The following PUDP variants were observed in gnomAD, a reference collection of about 807,000 sequenced individuals.
PUDP encodes pseudouridine-5'-phosphatase.
PUDP carries 8 observed loss-of-function variants against 9.4 expected under a neutral mutation model. That is an observed-to-expected ratio of 0.85 (90% CI 0.50 to 1.53). The LOEUF (loss-of-function observed/expected upper bound fraction) is 1.53. Ranked by LOEUF, PUDP falls within the 40% of genes most tolerant of loss-of-function variation. PUDP has a pLI of 0.00. For missense variants in PUDP, 188 were observed against 189.7 expected, an observed-to-expected ratio of 0.99 and a Z score of 0.05; for synonymous variants, 99 against 80.7, an observed-to-expected ratio of 1.23 and a Z score of -1.22.
In PUDP at chrX:7,105,730, G is replaced by T. The variant is rs758396125; in HGVS notation, c.170C>A (p.Ala57Glu). 3 of 1,199,910 alleles carry T rather than the reference G, an allele frequency of 2.5e-6. No individual in the cohort carries two copies. Among genetic ancestry groups the T allele is most frequent in the Non-Finnish European group, 3.4e-6 (3 of 886,788 alleles). The change falls in exon 2 of 4, where the codon GCG (alanine) becomes GAG (glutamate). Residue 57 changes from alanine (A) to glutamate (E), a missense_variant. Coordinates refer to ENST00000381077, the MANE Select transcript of PUDP (RefSeq NM_012080.5). ...SLVMGKKALE[A>E]AQIIIDVLQL... ...CAAGACGTCTATTATAATCTGTGCC[G>T]CCTCTAATGCCTTCTTACCCATAAC... is the stretch of plus-strand genomic sequence containing the variant.
At chrX:7,086,409 T>C (rs1390181307) in intron 2 of PUDP, among the ~76,000 whole-genome samples, 3 of 112,596 alleles carry the variant, frequency 2.7e-5, no homozygotes, top group African/African-American at 9.7e-5. Flanking sequence ...TATAGATTCT[T>C]GATTTTTTAT....
intron 3 of PUDP, among the ~76,000 whole-genome samples, chrX:6,827,008 G>A (rs1470238341): frequency 8.9e-6 from 1 of 111,958 alleles, no homozygotes; most frequent in Non-Finnish European, 1.9e-5. Flanking sequence ...GATTGTTAGG[G>A]ATTGTCATGG....
chrX:6,893,826 T>C (rs1305270707), intron 3 of PUDP, among the ~76,000 whole-genome samples: 1 of 111,458 alleles, frequency 9.0e-6, no homozygotes, highest in Non-Finnish European at 1.9e-5. Context: ...CTATTCACAA[T>C]AGCAAAGGCA....
rs371732998 is a variant in PUDP at position 7,050,112 on chromosome X, C to T, written c.*184G>A. ...TCTCTACTGTATTTTTTGTCTCAAC[C>T]GTCAAGTCACATTTTATCAACACGT... On this transcript the variant is annotated 3_prime_UTR_variant, in exon 4 of 4. Transcript: ENST00000381077. 8.0e-4 allele frequency: 336 copies of T among 422,614 alleles called. 2 individuals carry two copies. The highest frequency in any genetic ancestry group is 7.0e-3 in the African/African-American group (282 of 40,175). 34.8% of individuals were successfully genotyped at this position (422,614 alleles called of 1,213,427 possible). A position where few individuals can be genotyped will look rare whatever the true frequency, so the allele number is the denominator to read the frequency against.
At chrX:7,129,437 A>G (rs990926737) in intron 1 of PUDP, among the ~76,000 whole-genome samples, 2 of 111,905 alleles carry the variant, frequency 1.8e-5, no homozygotes, top group African/African-American at 6.5e-5. Flanking sequence ...CTGAATGTTG[A>G]GACTCCAGCA....
chrX:6,880,823 C>T (rs1184153346), intron 3 of PUDP, among the ~76,000 whole-genome samples: 2 of 111,890 alleles, frequency 1.8e-5, no homozygotes, highest in African/African-American at 6.5e-5. Flanking sequence ...CTATATCATT[C>T]ATTCATTCAT....
intron 3 of PUDP, among the ~76,000 whole-genome samples, chrX:7,062,266 A>G (rs1174103104): frequency 9.0e-6 from 1 of 111,535 alleles, no homozygotes; most frequent in Non-Finnish European, 1.9e-5. Flanking sequence ...GCACTGGGGA[A>G]TCCCTGCTAA....
rs181509739 is a variant in PUDP, at chrX:6,864,224, G to A, written c.*247+112909C>T. Among the ~76,000 whole-genome samples the A allele has an allele frequency of 3.3e-3, 373 of 112,067 alleles. 1 individual carries two copies. The highest frequency in any genetic ancestry group is 9.2e-3 in the African/African-American group (285 of 30,899). ...TTAATGTGCTACATCTCTCCTACTCGTAATGTAATAACAGAGTTCTCTGTT... is the reference window on the plus strand; with the variant it reads ...TTAATGTGCTACATCTCTCCTACTCATAATGTAATAACAGAGTTCTCTGTT... On this transcript the variant is annotated intron_variant and NMD_transcript_variant, in intron 3 of 3. Transcript: ENST00000655425.
chrX:7,006,797 A>G (rs188807431), intron 1 of PUDP, among the ~76,000 whole-genome samples: 82 of 111,696 alleles, frequency 7.3e-4, no homozygotes, highest in Non-Finnish European at 1.1e-3. Flanking sequence ...CAGGCTATAC[A>G]TGAGACTGAC....
At chrX:7,006,486 T>G (rs1929404301) in intron 1 of PUDP, among the ~76,000 whole-genome samples, 1 of 112,087 alleles carries the variant, frequency 8.9e-6, no homozygotes, top group Admixed American at 9.5e-5. Flanking sequence ...CTTGTAAATC[T>G]TCTTTGGAGA....
In PUDP at chrX:6,958,301, G is replaced by C. The variant is rs1216355374; in HGVS notation, c.*247+18832C>G. 2.7e-5 allele frequency among the ~76,000 whole-genome samples: 3 copies of C among 111,941 alleles called. No individual in the cohort carries two copies. In the Admixed American group the frequency reaches 2.9e-4, roughly 11 times the overall value. On this transcript the variant is annotated intron_variant and NMD_transcript_variant, in intron 3 of 3. Coordinates refer to the PUDP transcript ENST00000655425. ...AAAGGTAAAAACACCTTCAAAGAAG[G>C]AAGAGGAGCAGGCTATGACCTAATG...
chrX:7,137,696 C>T (rs753159490), intron 1 of PUDP, among the ~76,000 whole-genome samples: 4 of 112,610 alleles, frequency 3.6e-5, no homozygotes, highest in African/African-American at 1.3e-4. Context: ...CATGGCTGCT[C>T]TTTCTTTCCT....
chrX:6,839,767 G>T (rs1602640987), intron 3 of PUDP, among the ~76,000 whole-genome samples: 1 of 111,117 alleles, frequency 9.0e-6, no homozygotes, highest in East Asian at 2.8e-4. Context: ...TTGGTGGAAG[G>T]AATGCAAAAT....
chrX:7,092,538 T>C (rs946969088), intron 2 of PUDP, among the ~76,000 whole-genome samples: 16 of 111,949 alleles, frequency 1.4e-4, no homozygotes, highest in African/African-American at 3.6e-4. Context: ...TCTCTGTCAA[T>C]AGTCTCAAAT....
chrX:6,922,765 C>A (rs1402331183), intron 3 of PUDP, among the ~76,000 whole-genome samples: 1 of 112,164 alleles, frequency 8.9e-6, no homozygotes, highest in Non-Finnish European at 1.9e-5. Context: ...GCAATGTCAT[C>A]TCTGCCTCTG....
intron 3 of PUDP, among the ~76,000 whole-genome samples, chrX:6,835,655 C>T (rs192621703): frequency 8.9e-6 from 1 of 111,917 alleles, no homozygotes; most frequent in East Asian, 2.8e-4. Context: ...GAAAGATTCC[C>T]TTGTCTCTCC....
chrX:6,775,187 A>G (rs1925429286), intron 3 of PUDP, among the ~76,000 whole-genome samples: 1 of 111,989 alleles, frequency 8.9e-6, no homozygotes, highest in Non-Finnish European at 1.9e-5. Context: ...TATTTCATAT[A>G]AATAGAGTGA....
intron 1 of PUDP, among the ~76,000 whole-genome samples, chrX:7,134,699 C>T (rs1357894753): frequency 2.7e-5 from 3 of 111,162 alleles, no homozygotes; most frequent in East Asian, 2.8e-4. Context: ...AGGAGTCATA[C>T]AAAAAGAAAA....
At chrX:6,844,730 G>A (rs1201098704) in intron 3 of PUDP, among the ~76,000 whole-genome samples, 1 of 112,249 alleles carries the variant, frequency 8.9e-6, no homozygotes, top group East Asian at 2.8e-4. Context: ...AAGACAAGAA[G>A]TCCCACAATG....
Sources: gnomAD v4.1 joint callset for allele counts (sites outside exome capture counted in the v4.1 genomes callset) on GRCh38, gnomAD v4.1.1 for gene constraint, MANE v1.5 for transcripts, NCBI Gene and HGNC (gene_info 2026-07-23, HGNC 2026-07-21) for gene names.